Variants in GNAO1 observed in about 807,000 individuals in gnomAD.
GNAO1 encodes guanine nucleotide-binding protein G(o) subunit alpha.
For missense variants in GNAO1, 166 were observed against 478.7 expected (o/e 0.35, Z 6.10); for synonymous variants, 164 against 180.7 (o/e 0.91, Z 0.74).
chr16:56,261,692 C>A (rs1454858957), intron 2 of GNAO1, among the ~76,000 whole-genome samples: 4 of 152,028 alleles, frequency 2.6e-5, no homozygotes, highest in Admixed American at 2.6e-4. Flanking sequence ...GAGAAAATGA[C>A]CTCCAGTATG....
In GNAO1 at chr16:56,334,649, T is replaced by C; in HGVS notation, c.465-80T>C. On this transcript the variant is annotated intron_variant, in intron 4 of 8. Transcript: ENST00000262493. The stretch of plus-strand genomic sequence containing the variant: ...GGAGGGGCCCTGACCGAGACTGGAC[T>C]CTGAAGATGGGTGGCCTGGCCAGTC... 7.4e-6 allele frequency: 11 copies of C among 1,480,702 alleles called. No individual in the cohort carries two copies. In the South Asian group the frequency reaches 1.2e-4, roughly 16 times the overall value. 91.7% of individuals were successfully genotyped at this position (1,480,702 alleles called of 1,614,324 possible).
chr16:56,257,810 A>C (rs1596824908), intron 2 of GNAO1, among the ~76,000 whole-genome samples: 1 of 152,332 alleles, frequency 6.6e-6, no homozygotes, highest in African/African-American at 2.4e-5. Context: ...TCCTAATGCC[A>C]ACAGGGCCAG....
At chr16:56,321,000 GGA>G (rs2037566283) in intron 3 of GNAO1, among the ~76,000 whole-genome samples, 2 of 152,198 alleles carry the variant, frequency 1.3e-5, no homozygotes, top group African/African-American at 2.4e-5. Context: ...CAGTCCCATG[GGA>G]GAGAGAGGGG....
At chr16:56,215,176 A>G (rs1365552457) in intron 2 of GNAO1, among the ~76,000 whole-genome samples, 2 of 152,154 alleles carry the variant, frequency 1.3e-5, no homozygotes, top group East Asian at 1.9e-4. Context: ...CATCTGGTCC[A>G]TGGGGTGTTC....
At chr16:56,346,536 C>T in intron 6 of GNAO1, 1 of 985,418 alleles carries the variant, frequency 1.0e-6, no homozygotes, top group Non-Finnish European at 1.2e-6. Context: ...CTTGGCCTTC[C>T]CTCTGAGCAC....
At chr16:56,284,140 C>T (rs2037141225) in intron 3 of GNAO1, among the ~76,000 whole-genome samples, 1 of 152,210 alleles carries the variant, frequency 6.6e-6, no homozygotes, top group Admixed American at 6.5e-5. Flanking sequence ...CTTACAAATG[C>T]TTACTTCCTG....
At chr16:56,333,830 T>G (rs1234745008) in intron 4 of GNAO1, among the ~76,000 whole-genome samples, 1 of 152,220 alleles carries the variant, frequency 6.6e-6, no homozygotes, top group Non-Finnish European at 1.5e-5. Flanking sequence ...GTGGGCTGCT[T>G]GTGGTTTGCC....
intron 2 of GNAO1, among the ~76,000 whole-genome samples, chr16:56,222,283 G>A (rs1312688549): frequency 4.6e-5 from 7 of 152,126 alleles, no homozygotes; most frequent in Non-Finnish European, 1.0e-4. Flanking sequence ...AAGTGAGGCA[G>A]CCTCCTTGAT....
intron 2 of GNAO1, among the ~76,000 whole-genome samples, chr16:56,230,437 T>G (rs1353024089): frequency 6.6e-6 from 1 of 152,230 alleles, no homozygotes; most frequent in African/African-American, 2.4e-5. Flanking sequence ...CCTGGTCCCC[T>G]GATAAGGGGT....
intron 4 of GNAO1, chr16:56,329,038 G>A: frequency 2.0e-6 from 1 of 491,640 alleles, no homozygotes; most frequent in Non-Finnish European, 3.7e-6. Flanking sequence ...GAAATTCCCA[G>A]AGGGCCGGGA....
At chr16:56,213,235 ATTC>A (rs1236709849) in intron 2 of GNAO1, 1 of 398,354 alleles carries the variant, frequency 2.5e-6, no homozygotes, top group African/African-American at 2.1e-5. Flanking sequence ...CATCGAGGTT[ATTC>A]TTTCTTTCTT....
In GNAO1 at chr16:56,281,568, T is replaced by TC. The variant is rs759310661; in HGVS notation, c.303+5498dup. ...TCCCTTTTTCCCTTTTCCTCTGTCC[T>TC]CCTCCCTCCTTCTCAGTCCCCTTTT... On this transcript the variant is annotated intron_variant, in intron 3 of 8. Coordinates refer to ENST00000262493, the MANE Select transcript of GNAO1 (RefSeq NM_020988.3). Among the ~76,000 whole-genome samples the TC allele has an allele frequency of 4.6e-5, 7 of 151,662 alleles. No homozygotes were observed. In the East Asian group the frequency reaches 1.2e-3, roughly 25 times the overall value.
chr16:56,344,388 G>T, intron 6 of GNAO1: 1 of 1,017,460 alleles, frequency 9.8e-7, no homozygotes, highest in Middle Eastern at 4.9e-4. Flanking sequence ...CTTCAGCTTT[G>T]CCTGGGGTCT....
chr16:56,290,030 C>G (rs539500674), intron 3 of GNAO1, among the ~76,000 whole-genome samples: 2 of 152,310 alleles, frequency 1.3e-5, no homozygotes, highest in South Asian at 4.1e-4. Flanking sequence ...ATAAAGCCAG[C>G]CTTATCTCCT....
intron 2 of GNAO1, among the ~76,000 whole-genome samples, chr16:56,206,207 C>T (rs1273672084): frequency 6.6e-6 from 1 of 151,760 alleles, no homozygotes; most frequent in East Asian, 1.9e-4. Context: ...GTAGTCACAG[C>T]TACTCGGGAG....
chr16:56,289,709 A>G (rs1207172777), intron 3 of GNAO1, among the ~76,000 whole-genome samples: 1 of 152,144 alleles, frequency 6.6e-6, no homozygotes, highest in Non-Finnish European at 1.5e-5. Flanking sequence ...GAGGCCAGGG[A>G]GGCCTTTGGG....
At chr16:56,194,279 G>A in intron 2 of GNAO1, 1 of 456,608 alleles carries the variant, frequency 2.2e-6, no homozygotes. Context: ...GGGGAGGCGG[G>A]GCCTGGGGAA....
intron 6 of GNAO1, among the ~76,000 whole-genome samples, chr16:56,339,435 T>C (rs944549782): frequency 7.2e-5 from 11 of 152,252 alleles, no homozygotes; most frequent in Non-Finnish European, 1.2e-4. Context: ...GAGGTCAGGT[T>C]CTAGGATGTG....
At position 56,351,098 on chromosome 16, in the gene GNAO1, T is replaced by A. The variant is rs552895023; in HGVS notation, c.724-286T>A. On this transcript the variant is annotated intron_variant, in intron 6 of 8. Coordinates refer to ENST00000262493, the MANE Select transcript of GNAO1 (RefSeq NM_020988.3). This position sits in a 1 kb window ranked among gnomAD's most constrained non-coding sequence, Gnocchi z 6.1. ...GAGACCCTCACATAGCTGGGAACTC[T>A]GCAGTGGGGAGAGCCCGGGTCACCC... Among the ~76,000 whole-genome samples, 2 of 152,328 alleles carry A rather than the reference T, an allele frequency of 1.3e-5. No homozygotes were observed. Among genetic ancestry groups the A allele is most frequent in the African/African-American group, 4.8e-5 (2 of 41,576 alleles).
Sources: allele counts gnomAD v4.1 joint callset (sites outside exome capture counted in the v4.1 genomes callset), GRCh38; gene constraint gnomAD v4.1.1; non-coding constraint Gnocchi (gnomAD v3.1); transcripts MANE v1.5; gene names NCBI Gene and HGNC (gene_info 2026-07-23, HGNC 2026-07-21).